Variants in FLRT2 observed in about 807,000 individuals in gnomAD.
FLRT2 encodes the protein leucine-rich repeat transmembrane protein FLRT2.
FLRT2 carries 15 observed loss-of-function variants against 40.0 expected under a neutral mutation model. The ratio of observed to expected loss-of-function variants is 0.38; its 90% confidence interval spans 0.25 to 0.58. FLRT2 has a LOEUF of 0.58. Ranked by LOEUF, FLRT2 falls within the 20% of genes least tolerant of loss-of-function variation. The pLI is 0.71. For missense variants in FLRT2, 726 were observed against 840.0 expected, an observed-to-expected ratio of 0.86 and a Z score of 1.68; for synonymous variants, 380 against 336.8, an observed-to-expected ratio of 1.13 and a Z score of -1.41.
chr14:85,619,540 C>T (rs1467891846), intron 1 of FLRT2, among the ~76,000 whole-genome samples: 2 of 152,140 alleles, frequency 1.3e-5, no homozygotes, highest in African/African-American at 2.4e-5. Context: ...GCTTAACAAT[C>T]TTTTAAATTA....
At chr14:85,610,985 T>G (rs1033313819) in intron 1 of FLRT2, among the ~76,000 whole-genome samples, 10 of 152,198 alleles carry the variant, frequency 6.6e-5, no homozygotes, top group African/African-American at 2.4e-4. Context: ...ATCTTCTGCC[T>G]ACTGGGTTCA....
intron 1 of FLRT2, among the ~76,000 whole-genome samples, chr14:85,540,958 C>T (rs551181416): frequency 1.3e-4 from 20 of 152,092 alleles, no homozygotes; most frequent in Admixed American, 5.9e-4. Context: ...GGAGTTAGTA[C>T]GTGTTTATAT....
At chr14:85,579,474 A>C (rs184583199) in intron 1 of FLRT2, among the ~76,000 whole-genome samples, 2 of 151,766 alleles carry the variant, frequency 1.3e-5, no homozygotes, top group East Asian at 3.9e-4. Context: ...TGCTTAGGTT[A>C]TTTGGGAGGG....
intron 1 of FLRT2, among the ~76,000 whole-genome samples, chr14:85,543,992 C>T (rs182436427): frequency 9.2e-4 from 140 of 152,268 alleles, no homozygotes; most frequent in African/African-American, 3.0e-3. Flanking sequence ...CAGAGTTGCC[C>T]AGTGTACCGC....
At chr14:85,533,204 C>A (rs1464611318) in intron 1 of FLRT2, among the ~76,000 whole-genome samples, 1 of 150,976 alleles carries the variant, frequency 6.6e-6, no homozygotes, top group Non-Finnish European at 1.5e-5. Context: ...CGCGCCAGAG[C>A]GCGAGGGACG....
chr14:85,586,409 A>G (rs1202859045), intron 1 of FLRT2, among the ~76,000 whole-genome samples: 1 of 152,166 alleles, frequency 6.6e-6, no homozygotes, highest in African/African-American at 2.4e-5. Context: ...AATAACATAC[A>G]GTTTCAGCTA....
intron 1 of FLRT2, among the ~76,000 whole-genome samples, chr14:85,597,614 T>A (rs558492436): frequency 6.6e-6 from 1 of 152,334 alleles, no homozygotes; most frequent in African/African-American, 2.4e-5. Context: ...CAGAGTGCAA[T>A]GGCACGATCT....
chr14:85,645,722 G>A lies in FLRT2; in HGVS notation c.*22225G>A, dbSNP rs551949542. The A allele has an allele frequency of 6.6e-6, 1 of 152,110 alleles. No individual in the cohort carries two copies. The highest frequency in any genetic ancestry group is 6.6e-5 in the Admixed American group (1 of 15,256). 9.4% of individuals were successfully genotyped at this position (152,110 alleles called of 1,614,324 possible). A position where few individuals can be genotyped will look rare whatever the true frequency, so the allele number is the denominator to read the frequency against. ...AGTAGATAAGGTGATCTATTATATG[G>A]ATGTCAAGCTGTCCTTTTCCCCAGC... On this transcript the variant is annotated 3_prime_UTR_variant, in exon 2 of 2. Coordinates refer to ENST00000330753, the MANE Select transcript of FLRT2 (RefSeq NM_013231.6).
At chr14:85,577,645 G>GT (rs1439974161) in intron 1 of FLRT2, among the ~76,000 whole-genome samples, 1 of 151,704 alleles carries the variant, frequency 6.6e-6, no homozygotes, top group Admixed American at 6.6e-5. Flanking sequence ...AGAGTACAGT[G>GT]GTGCCGTCAT....
chr14:85,548,857 G>A (rs1742846768), intron 1 of FLRT2, among the ~76,000 whole-genome samples: 1 of 152,112 alleles, frequency 6.6e-6, no homozygotes, highest in African/African-American at 2.4e-5. Context: ...AAACCATACT[G>A]GCCTGCCCTG....
intron 1 of FLRT2, among the ~76,000 whole-genome samples, chr14:85,579,550 A>G (rs1411654934): frequency 1.3e-5 from 2 of 152,116 alleles, no homozygotes; most frequent in African/African-American, 2.4e-5. Context: ...CTTTTCTAGT[A>G]TCTCGTTTTC....
chr14:85,536,452 A>G (rs888665768), intron 1 of FLRT2, among the ~76,000 whole-genome samples: 1 of 152,166 alleles, frequency 6.6e-6, no homozygotes, highest in African/African-American at 2.4e-5. Flanking sequence ...AAGATTCAAA[A>G]AAGGTCAAGG....
At position 85,632,522 on chromosome 14, in the gene FLRT2, C is replaced by A; in HGVS notation, c.*9025C>A. 6.8e-6 allele frequency: 1 copy of A among 148,074 alleles called. No individual in the cohort carries two copies. The highest frequency in any genetic ancestry group is 1.5e-5 in the Non-Finnish European group (1 of 67,344). The allele number at this position is 148,074 out of a possible 1,614,324, so 9.2% of individuals were successfully genotyped here. On this transcript the variant is annotated 3_prime_UTR_variant, in exon 2 of 2. Transcript: ENST00000330753. ...AAATATCGCCATCATGAAAAGTCCA[C>A]AAAGCACAAGTAGACACAAAGTTAA...
chr14:85,579,371 A>T (rs1433533092), intron 1 of FLRT2, among the ~76,000 whole-genome samples: 1 of 152,202 alleles, frequency 6.6e-6, no homozygotes, highest in African/African-American at 2.4e-5. Flanking sequence ...CTCTGGAGCC[A>T]GCTTATTCAT....
chr14:85,539,224 T>A (rs1888842217), intron 1 of FLRT2, among the ~76,000 whole-genome samples: 1 of 151,984 alleles, frequency 6.6e-6, no homozygotes, highest in Admixed American at 6.6e-5. Flanking sequence ...CACTTCTGAT[T>A]GGGTAACTGG....
rs2139406231 is a variant in FLRT2 at position 85,646,954 on chromosome 14, G to A, written c.*23457G>A. 6.6e-6 allele frequency: 1 copy of A among 152,302 alleles called. No individual in the cohort carries two copies. The highest frequency in any genetic ancestry group is 3.4e-3 in the Middle Eastern group (1 of 296). The allele number at this position is 152,302 out of a possible 1,614,324, so 9.4% of individuals were successfully genotyped here. On this transcript the variant is annotated 3_prime_UTR_variant, in exon 2 of 2. Transcript: ENST00000330753. Reference sequence around the variant, plus strand: ...CCTGGGACCAACATACTCTGTCCAAGAGACACAGTGACACATACATGCACA... The same window carrying A: ...CCTGGGACCAACATACTCTGTCCAAAAGACACAGTGACACATACATGCACA...
intron 1 of FLRT2, among the ~76,000 whole-genome samples, chr14:85,553,496 A>T (rs1323527726): frequency 6.6e-6 from 1 of 152,174 alleles, no homozygotes; most frequent in African/African-American, 2.4e-5. Flanking sequence ...AAAAATTCTT[A>T]TGTTTTAAGA....
chr14:85,619,421 A>T lies in FLRT2; in HGVS notation c.-376-1718A>T, dbSNP rs150206874. 4.2e-3 allele frequency among the ~76,000 whole-genome samples: 644 copies of T among 152,130 alleles called. 9 individuals carry two copies. The highest frequency in any genetic ancestry group is 0.015 in the African/African-American group (608 of 41,512). ...TGCTTGATTTTTAATAAAGCATCGTATCTCTCTATTTTACCTGAAAAAAGA... is the reference window on the plus strand; with the variant it reads ...TGCTTGATTTTTAATAAAGCATCGTTTCTCTCTATTTTACCTGAAAAAAGA... On this transcript the variant is annotated intron_variant, in intron 1 of 1. Coordinates refer to ENST00000330753, the MANE Select transcript of FLRT2 (RefSeq NM_013231.6).
rs1343070296 is a variant in FLRT2, at chr14:85,634,796, T to C, written c.*11299T>C. 2.0e-5 allele frequency: 3 copies of C among 152,180 alleles called. No individual in the cohort carries two copies. The highest frequency in any genetic ancestry group is 4.4e-5 in the Non-Finnish European group (3 of 68,032). 9.4% of individuals were successfully genotyped at this position (152,180 alleles called of 1,614,324 possible). ...TTTCTGAAAATATATGGAATTAGTG[T>C]GCAAAAAGTTGGGCTATATAACTCA... On this transcript the variant is annotated 3_prime_UTR_variant, in exon 2 of 2. Coordinates refer to ENST00000330753, the MANE Select transcript of FLRT2 (RefSeq NM_013231.6).
Sources: gnomAD v4.1 joint callset for allele counts (sites outside exome capture counted in the v4.1 genomes callset) on GRCh38, gnomAD v4.1.1 for gene constraint, MANE v1.5 for transcripts, NCBI Gene and HGNC (gene_info 2026-07-23, HGNC 2026-07-21) for gene names.